Variants in MOK observed in about 807,000 individuals in gnomAD.
MOK encodes the protein MOK protein kinase, also known as MAPK/MAK/MRK overlapping kinase.
In MOK, 59 loss-of-function variants were observed where a neutral mutation model predicts 54.2. The observed-to-expected ratio is 1.09, with a 90% CI of 0.88 to 1.35. The LOEUF is 1.35. Among genes scored for constraint, MOK ranks in the 40% most tolerant of loss-of-function variants. The pLI is 0.00. For missense variants in MOK, 517 were observed against 526.2 expected (o/e 0.98, Z 0.17); for synonymous variants, 210 against 202.7 (o/e 1.04, Z -0.31).
chr14:102,299,024 T>C (rs1165606246), intron 1 of MOK, among the ~76,000 whole-genome samples: 1 of 152,024 alleles, frequency 6.6e-6, no homozygotes, highest in Non-Finnish European at 1.5e-5. Context: ...AGGAACAAAC[T>C]CCAGACACAC....
chr14:102,229,241 G>C lies in MOK; in HGVS notation c.*48C>G, dbSNP rs574586281. Reference sequence around the variant, plus strand: ...GCAGCAGATCACCCAGGCCTGGCCCGGTCGGGCTTGGTGTTGCCTCCGAAG... The same window carrying C: ...GCAGCAGATCACCCAGGCCTGGCCCCGTCGGGCTTGGTGTTGCCTCCGAAG... On this transcript the variant is annotated 3_prime_UTR_variant, in exon 12 of 12. Transcript: ENST00000361847. The C allele has an allele frequency of 3.3e-5, 51 of 1,529,258 alleles. 1 individual carries two copies. The South Asian group carries it at 6.0e-4, about 18-fold the overall frequency. 94.7% of individuals were successfully genotyped at this position (1,529,258 alleles called of 1,614,324 possible).
At chr14:102,257,669 A>G (rs774676668) in intron 4 of MOK, among the ~76,000 whole-genome samples, 5 of 152,182 alleles carry the variant, frequency 3.3e-5, no homozygotes. Flanking sequence ...CTAAGAGGAG[A>G]TGACATAAAT....
chr14:102,227,268 G>T (rs999502848), downstream of MOK, among the ~76,000 whole-genome samples: 1 of 152,102 alleles, frequency 6.6e-6, no homozygotes, highest in Admixed American at 6.5e-5. Flanking sequence ...GGGGGACAGG[G>T]CATGGCCCTC....
At chr14:102,283,300 A>G (rs576009040) in intron 2 of MOK, 178 bp downstream of exon 2, 27 of 471,630 alleles carry the variant, frequency 5.7e-5, no homozygotes, top group African/African-American at 5.1e-4. Context: ...GTAAGCCTGG[A>G]TATGAGTAAA....
At chr14:102,228,408 C>T (rs2064337635), downstream of MOK, among the ~76,000 whole-genome samples, 1 of 152,128 alleles carries the variant, frequency 6.6e-6, no homozygotes, top group Non-Finnish European at 1.5e-5. Context: ...AAAATTAAGC[C>T]ACACCAGGCC....
rs1161193006 is a variant in MOK at position 102,265,881 on chromosome 14, G to C, written c.154C>G (p.Gln52Glu). 1 of 1,613,950 alleles carries C rather than the reference G, an allele frequency of 6.2e-7. No homozygotes were observed. Among genetic ancestry groups the C allele is most frequent in the Non-Finnish European group, 8.5e-7 (1 of 1,179,898 alleles). ...IEQVNNLREI[Q>E]ALRRLNPHPN... Reference sequence around the variant, plus strand: ...TGCGGATTCAGGCGCCTCAGTGCTTGGATCTCTCGTAGGTTGTTGACTTGC... The same window carrying C: ...TGCGGATTCAGGCGCCTCAGTGCTTCGATCTCTCGTAGGTTGTTGACTTGC... Residue 52 changes from glutamine (Q) to glutamate (E), a missense_variant, in exon 3 of 12, where the codon CAA becomes GAA. Coordinates refer to ENST00000361847, the MANE Select transcript of MOK (RefSeq NM_014226.3).
intron 4 of MOK, among the ~76,000 whole-genome samples, chr14:102,254,865 C>T (rs2153115402): frequency 6.6e-6 from 1 of 152,256 alleles, no homozygotes; most frequent in Non-Finnish European, 1.5e-5. Context: ...CTGCTTAGTA[C>T]CTATATTCAT....
At chr14:102,259,640 G>A (rs1032444143) in intron 4 of MOK, among the ~76,000 whole-genome samples, 1 of 152,158 alleles carries the variant, frequency 6.6e-6, no homozygotes, top group African/African-American at 2.4e-5. Flanking sequence ...ATGCACTCTA[G>A]GATCAGGTTA....
Position 102,250,913 on chromosome 14 carries a change from G to A in MOK, c.489C>T (p.Ser163=), listed in dbSNP as rs771145781. ...ACTCCGGGGCCCGGTACCAGCGGGT[G>A]GAGATGTATTCCGTGTACGGCTGCT... ...YSKQPYTEYI[S]TRWYRAPECL... The change falls in exon 7 of 12, where the codon TCC becomes TCT. Residue 163 remains serine (S), a synonymous_variant. Coordinates refer to ENST00000361847, the MANE Select transcript of MOK (RefSeq NM_014226.3). 4.3e-6 allele frequency: 7 copies of A among 1,614,042 alleles called. No individual in the cohort carries two copies. In the East Asian group the frequency reaches 8.9e-5, roughly 21 times the overall value.
Position 102,255,820 on chromosome 14 carries a change from C to T in MOK, c.284-3825G>A, listed in dbSNP as rs549406704. ...AGTGAATTCCAGCAGGCCCCAAAAG[C>T]ATTTCCCTCATCTGCTCTAGCTATC... On this transcript the variant is annotated intron_variant, in intron 4 of 11. Transcript: ENST00000361847. Among the ~76,000 whole-genome samples, 6 of 152,322 alleles carry T rather than the reference C, an allele frequency of 3.9e-5. No homozygotes were observed. The South Asian group carries it at 1.0e-3, about 26-fold the overall frequency.
chr14:102,277,123 C>T (rs2068951301), intron 2 of MOK, among the ~76,000 whole-genome samples: 1 of 150,198 alleles, frequency 6.7e-6, no homozygotes, highest in South Asian at 2.1e-4. Flanking sequence ...AATTCCTGGG[C>T]TCAAGCAATC....
intron 2 of MOK, among the ~76,000 whole-genome samples, chr14:102,273,346 T>C (rs867081136): frequency 9.2e-5 from 14 of 151,682 alleles, no homozygotes; most frequent in African/African-American, 2.9e-4. Context: ...CAAAAATTAA[T>C]TGCATTTCTA....
Position 102,233,718 on chromosome 14 carries a change from G to C in MOK, c.662C>G (p.Pro221Arg), listed in dbSNP as rs779568139. ...GAACTTGGTGAGGATCTTCTGAGCG[G>C]GTGTGCCGATGACATCGTGGATTTT... ...ISKIHDVIGT[P>R]AQKILTKFKQ... The change falls in exon 8 of 12, where the codon CCC becomes CGC. Residue 221 changes from proline (P) to arginine (R), a missense_variant. By Grantham distance (103) the Pro-to-Arg change is moderately radical. Transcript: ENST00000361847. 6.2e-7 allele frequency: 1 copy of C among 1,613,820 alleles called. No homozygotes were observed. The highest frequency in any genetic ancestry group is 8.5e-7 in the Non-Finnish European group (1 of 1,179,860).
chr14:102,298,341 G>A (rs1362668740), intron 1 of MOK, among the ~76,000 whole-genome samples: 1 of 151,958 alleles, frequency 6.6e-6, no homozygotes, highest in Non-Finnish European at 1.5e-5. Context: ...TCAGTACTCT[G>A]TGTCTAGCTC....
chr14:102,283,463 A>T lies in MOK; in HGVS notation c.122+15T>A. On this transcript the variant is annotated intron_variant, in intron 2 of 11. Transcript: ENST00000361847. ...TGGATCTGTGTTTGGTCCCAAGTGC[A>T]TCTCTGTAGCCTACCTTTCAAAGCG... 1 of 1,572,678 alleles carries T rather than the reference A, an allele frequency of 6.4e-7. No homozygotes were observed. The highest frequency in any genetic ancestry group is 8.7e-7 in the Non-Finnish European group (1 of 1,151,322).
chr14:102,268,914 C>CAA (rs10700014), intron 2 of MOK, among the ~76,000 whole-genome samples: 23,937 of 116,626 alleles, frequency 0.21, 2,331 homozygotes, highest in African/African-American at 0.31. Flanking sequence ...GACTCCGTCT[C>CAA]AAAAAAAAAA....
intron 2 of MOK, among the ~76,000 whole-genome samples, chr14:102,277,631 A>G (rs963485616): frequency 7.2e-5 from 11 of 152,078 alleles, no homozygotes; most frequent in South Asian, 4.1e-4. Context: ...AAAAAAAAAA[A>G]AGAGATAAAC....
At chr14:102,286,491 A>G (rs2070115207) in intron 1 of MOK, among the ~76,000 whole-genome samples, 2 of 151,122 alleles carry the variant, frequency 1.3e-5, no homozygotes, top group African/African-American at 4.9e-5. Flanking sequence ...CACGCCTGTC[A>G]TCCCAGCTAC....
intron 4 of MOK, among the ~76,000 whole-genome samples, chr14:102,252,835 T>C (rs2066636127): frequency 1.3e-5 from 2 of 152,320 alleles, no homozygotes; most frequent in African/African-American, 4.8e-5. Context: ...CTTAACAAGA[T>C]TCCAGACATG....
Sources: gnomAD v4.1 joint callset for allele counts (sites outside exome capture counted in the v4.1 genomes callset) on GRCh38, gnomAD v4.1.1 for gene constraint, MANE v1.5 for transcripts, NCBI Gene and HGNC (gene_info 2026-07-23, HGNC 2026-07-21) for gene names.